Variants in ST18 observed in about 807,000 individuals in gnomAD.
ST18 encodes the protein suppression of tumorigenicity 18 protein.
Under a neutral mutation model 110.0 loss-of-function variants are expected in ST18, and 50 were observed. That is an observed-to-expected ratio of 0.45 (90% CI 0.36 to 0.58). ST18 has a LOEUF of 0.58. Ranked by LOEUF, ST18 falls within the 20% of genes least tolerant of loss-of-function variation. The probability of loss-of-function intolerance (pLI) is 0.00; values close to 1 mark genes in which losing one functional copy is unlikely to be tolerated. For missense variants in ST18, 1,306 were observed against 1,280.1 expected (o/e 1.02, Z -0.31); for synonymous variants, 461 against 452.4 (o/e 1.02, Z -0.24).
chr8:52,355,294 A>G (rs1016114269), intron 2 of ST18, among the ~76,000 whole-genome samples: 1 of 152,182 alleles, frequency 6.6e-6, no homozygotes, highest in African/African-American at 2.4e-5. Flanking sequence ...AACTGGGCTC[A>G]TGGAATGGTC....
chr8:52,357,682 T>TAC (rs1405852114), intron 2 of ST18, among the ~76,000 whole-genome samples: 1 of 22,898 alleles, frequency 4.4e-5, no homozygotes, highest in Non-Finnish European at 8.0e-5. Context: ...TATAAATATA[T>TAC]ATATATATAT....
At chr8:52,166,106 G>T (rs920150568) in intron 11 of ST18, among the ~76,000 whole-genome samples, 1 of 152,174 alleles carries the variant, frequency 6.6e-6, no homozygotes, top group African/African-American at 2.4e-5. Context: ...TCTGTGATGC[G>T]TCAAGGCTGA....
chr8:52,141,938 C>T (rs1461270294), intron 17 of ST18, among the ~76,000 whole-genome samples: 2 of 152,236 alleles, frequency 1.3e-5, no homozygotes, highest in South Asian at 2.1e-4. Flanking sequence ...AGAGGCACCG[C>T]GCTCTTTAGA....
chr8:52,369,470 A>G (rs1829442467), intron 2 of ST18, among the ~76,000 whole-genome samples: 1 of 152,226 alleles, frequency 6.6e-6, no homozygotes, highest in Non-Finnish European at 1.5e-5. Context: ...CCTTGGTATT[A>G]TTGAGCAAAA....
intron 2 of ST18, among the ~76,000 whole-genome samples, chr8:52,236,452 A>T (rs1040060735): frequency 3.3e-5 from 5 of 152,092 alleles, no homozygotes; most frequent in African/African-American, 9.7e-5. Context: ...TCTACTAAAA[A>T]TACAAAAATT....
intron 2 of ST18, among the ~76,000 whole-genome samples, chr8:52,288,435 C>T (rs778306429): frequency 6.6e-6 from 1 of 152,140 alleles, no homozygotes; most frequent in Non-Finnish European, 1.5e-5. Context: ...GCATAGTACT[C>T]ATGCGTATAA....
chr8:52,399,804 A>G (rs2141076245), intron 2 of ST18, among the ~76,000 whole-genome samples: 1 of 152,136 alleles, frequency 6.6e-6, no homozygotes, highest in South Asian at 2.1e-4. Flanking sequence ...GGTACATATA[A>G]TTTCAATCTT....
At chr8:52,263,020 G>A (rs16917596) in intron 2 of ST18, among the ~76,000 whole-genome samples, 1 of 152,114 alleles carries the variant, frequency 6.6e-6, no homozygotes, top group African/African-American at 2.4e-5. Context: ...GAGCCACCTC[G>A]ACTGAAGTTG....
At chr8:52,269,847 A>C (rs941718320) in intron 2 of ST18, among the ~76,000 whole-genome samples, 1 of 152,168 alleles carries the variant, frequency 6.6e-6, no homozygotes, top group African/African-American at 2.4e-5. Context: ...CCCAGAATGT[A>C]ATGTCTTTTA....
intron 7 of ST18, among the ~76,000 whole-genome samples, chr8:52,213,407 G>C (rs1336995586): frequency 7.1e-6 from 1 of 140,660 alleles, no homozygotes; most frequent in East Asian, 2.4e-4. Context: ...GGGCTGCAGG[G>C]TCACGGCTTT....
intron 2 of ST18, among the ~76,000 whole-genome samples, chr8:52,334,887 T>A (rs1811334876): frequency 6.6e-6 from 1 of 152,166 alleles, no homozygotes; most frequent in Non-Finnish European, 1.5e-5. Flanking sequence ...CCTGCAGAGC[T>A]AACTCCAAGC....
At chr8:52,130,662 T>C (rs2049213369) in intron 22 of ST18, among the ~76,000 whole-genome samples, 3 of 152,262 alleles carry the variant, frequency 2.0e-5, no homozygotes, top group Admixed American at 6.5e-5. Context: ...CTTCTTAAAG[T>C]GGCACTATCA....
At chr8:52,286,524 T>G (rs2095474320) in intron 2 of ST18, among the ~76,000 whole-genome samples, 1 of 152,068 alleles carries the variant, frequency 6.6e-6, no homozygotes, top group Admixed American at 6.6e-5. Context: ...TTACCATCAT[T>G]ATGATCATCT....
intron 2 of ST18, among the ~76,000 whole-genome samples, chr8:52,322,532 A>T (rs900542543): frequency 6.6e-6 from 1 of 152,152 alleles, no homozygotes; most frequent in South Asian, 2.1e-4. Context: ...TAAGTTATAC[A>T]TAATGTGGTT....
At chr8:52,116,216 T>C (rs1013441521) in intron 25 of ST18, 59 bp downstream of exon 25, 14 of 1,575,176 alleles carry the variant, frequency 8.9e-6, no homozygotes, top group Non-Finnish European at 1.1e-5. Flanking sequence ...CGTGGGTAGA[T>C]GCATGATGAC....
At chr8:52,309,555 G>A (rs1433347273) in intron 2 of ST18, among the ~76,000 whole-genome samples, 1 of 147,088 alleles carries the variant, frequency 6.8e-6, no homozygotes, top group Non-Finnish European at 1.5e-5. Context: ...GAAATCACGT[G>A]GCTCATGGAA....
chr8:52,270,639 T>G (rs1399251303), intron 2 of ST18, among the ~76,000 whole-genome samples: 1 of 152,094 alleles, frequency 6.6e-6, no homozygotes, highest in Admixed American at 6.5e-5. Flanking sequence ...ATATAACAAA[T>G]CATCATGTTG....
chr8:52,273,033 TAA>T (rs1228818592), intron 2 of ST18, among the ~76,000 whole-genome samples: 1 of 152,150 alleles, frequency 6.6e-6, no homozygotes, highest in African/African-American at 2.4e-5. Flanking sequence ...AAAAATCTGT[TAA>T]GAGAGCAGAT....
At chr8:52,142,765 T>C (rs2055673375) in intron 17 of ST18, among the ~76,000 whole-genome samples, 165 bp downstream of exon 17, 1 of 152,256 alleles carries the variant, frequency 6.6e-6, no homozygotes, top group Non-Finnish European at 1.5e-5. Context: ...CATAAGATCA[T>C]GTACACCCTC....
Sources: gnomAD v4.1 joint callset for allele counts (sites outside exome capture counted in the v4.1 genomes callset) on GRCh38, gnomAD v4.1.1 for gene constraint, MANE v1.5 for transcripts, NCBI Gene and HGNC (gene_info 2026-07-23, HGNC 2026-07-21) for gene names.